CCDC25: variants seen among roughly 807,000 people sequenced by gnomAD.
The protein encoded by CCDC25 is coiled-coil domain-containing protein 25.
A neutral mutation model predicts 35.3 loss-of-function variants in CCDC25; 16 were observed. The observed-to-expected ratio is 0.45, with a 90% CI of 0.31 to 0.69. The LOEUF (loss-of-function observed/expected upper bound fraction) is 0.69, where lower values mean the gene tolerates loss of function less well. CCDC25 is among the 30% of genes least tolerant of loss of function. The pLI, the probability that CCDC25 is intolerant of heterozygous loss-of-function variation, is 0.06. For synonymous variants in CCDC25, 79 were observed against 80.3 expected, an observed-to-expected ratio of 0.98 and a Z score of 0.09; for missense variants, 179 against 250.7, an observed-to-expected ratio of 0.71 and a Z score of 1.93.
At chr8:27,738,621 T>A (rs1230265401) in intron 8 of CCDC25, among the ~76,000 whole-genome samples, 1 of 152,082 alleles carries the variant, frequency 6.6e-6, no homozygotes. Context: ...TGTGTGTGTG[T>A]GTGTATTTGT....
At chr8:27,749,611 A>C (rs1015069514) in intron 5 of CCDC25, among the ~76,000 whole-genome samples, 2 of 152,208 alleles carry the variant, frequency 1.3e-5, no homozygotes, top group African/African-American at 2.4e-5. Context: ...TCTGGATTAA[A>C]GGAGACTAAA....
chr8:27,746,029 T>C (rs1447832886), intron 7 of CCDC25, among the ~76,000 whole-genome samples: 1 of 152,242 alleles, frequency 6.6e-6, no homozygotes, highest in East Asian at 1.9e-4. Flanking sequence ...AACTGTGTTT[T>C]GGTGGACAAA....
Position 27,735,052 on chromosome 8 carries a change from T to C in CCDC25, c.*1164A>G, listed in dbSNP as rs1460931848. 6.6e-6 allele frequency: 1 copy of C among 152,432 alleles called. No individual in the cohort carries two copies. The highest frequency in any genetic ancestry group is 1.5e-5 in the Non-Finnish European group (1 of 68,034). The allele number at this position is 152,432 out of a possible 1,614,324, so 9.4% of individuals were successfully genotyped here. On this transcript the variant is annotated 3_prime_UTR_variant, in exon 9 of 9. Coordinates refer to ENST00000356537, the MANE Select transcript of CCDC25 (RefSeq NM_018246.3). ...TCTAAGAATTCATATATCAATGTCC[T>C]TCCAGATTAAAAAAATGGTATTTTA...
intron 4 of CCDC25, among the ~76,000 whole-genome samples, chr8:27,755,683 G>A (rs113421100): frequency 1.3e-5 from 2 of 152,160 alleles, no homozygotes; most frequent in East Asian, 1.9e-4. Context: ...GATAAGTCAC[G>A]GTAATACACG....
Position 27,734,320 on chromosome 8 carries a change from G to A in CCDC25, c.*1896C>T, listed in dbSNP as rs1263991630. The A allele has an allele frequency of 1.3e-5, 2 of 152,158 alleles. No individual in the cohort carries two copies. The highest frequency in any genetic ancestry group is 2.9e-5 in the Non-Finnish European group (2 of 68,046). 9.4% of individuals were successfully genotyped at this position (152,158 alleles called of 1,614,324 possible). On this transcript the variant is annotated 3_prime_UTR_variant, in exon 9 of 9. Coordinates refer to ENST00000356537, the MANE Select transcript of CCDC25 (RefSeq NM_018246.3). ...TGATCAGAGTGTTGAAACTGAAGAC[G>A]ACATTGGCAAAGTGACTCAGACCCA...
intron 7 of CCDC25, among the ~76,000 whole-genome samples, chr8:27,743,276 A>T (rs1289436479): frequency 1.3e-5 from 2 of 152,224 alleles, no homozygotes; most frequent in African/African-American, 4.8e-5. Context: ...TAACCTAGTC[A>T]CACCCACTCT....
intron 1 of CCDC25, 124 bp downstream of exon 1, chr8:27,772,389 C>CG: frequency 1.1e-6 from 1 of 915,346 alleles, no homozygotes; most frequent in Non-Finnish European, 1.7e-6. Flanking sequence ...CGAGAGGCCG[C>CG]GGGAAGAGGC....
In CCDC25 at chr8:27,736,047, T is replaced by G; in HGVS notation, c.*169A>C. On this transcript the variant is annotated 3_prime_UTR_variant, in exon 9 of 9. Coordinates refer to ENST00000356537, the MANE Select transcript of CCDC25 (RefSeq NM_018246.3). The stretch of plus-strand genomic sequence containing the variant: ...TTTATACATATCTGATCCTTTTCTG[T>G]CAGCAAAAAAGGTACAATTTTTTTA... 1.7e-6 allele frequency: 1 copy of G among 600,362 alleles called. No individual in the cohort carries two copies. Among genetic ancestry groups the G allele is most frequent in the Non-Finnish European group, 2.9e-6 (1 of 346,904 alleles). 37.2% of individuals were successfully genotyped at this position (600,362 alleles called of 1,614,324 possible). A position where few individuals can be genotyped will look rare whatever the true frequency, so the allele number is the denominator to read the frequency against.
At chr8:27,771,157 G>A (rs114118201) in intron 1 of CCDC25, among the ~76,000 whole-genome samples, 2,233 of 152,148 alleles carry the variant, frequency 0.015, 49 homozygotes, top group African/African-American at 0.046. Flanking sequence ...GTTGAGACCC[G>A]TTTAAATACA....
chr8:27,745,135 A>G (rs1803562527), intron 7 of CCDC25, among the ~76,000 whole-genome samples: 1 of 152,148 alleles, frequency 6.6e-6, no homozygotes, highest in African/African-American at 2.4e-5. Context: ...AGCTGCGACT[A>G]TAGGCTTGTA....
At position 27,762,415 on chromosome 8, in the gene CCDC25, T is replaced by A; in HGVS notation, c.116+4A>T. ...CAGAGGGCAGAACCAAAATTGTTAC[T>A]TACCAGATATCTTCAGGCCAGCCAT... is the stretch of plus-strand genomic sequence containing the variant. On this transcript the variant is annotated splice_donor_region_variant and intron_variant, in intron 3 of 8. Coordinates refer to ENST00000356537, the MANE Select transcript of CCDC25 (RefSeq NM_018246.3). The A allele has an allele frequency of 6.2e-7, 1 of 1,613,076 alleles. No homozygotes were observed. The highest frequency in any genetic ancestry group is 8.5e-7 in the Non-Finnish European group (1 of 1,179,508).
rs141212043 is a variant in CCDC25 at position 27,737,884 on chromosome 8, TCACACA to T, written c.598-1645_598-1640del. On this transcript the variant is annotated intron_variant, in intron 8 of 8. Transcript: ENST00000356537. This position sits in a 1 kb window ranked among gnomAD's most constrained non-coding sequence, Gnocchi z 4.6. ...AACTGTGGTGTGTGTATACACACAC[TCACACA>T]CACACACACACACACACACACACAA... Among the ~76,000 whole-genome samples the T allele has an allele frequency of 7.4e-5, 11 of 148,446 alleles. No individual in the cohort carries two copies. Among genetic ancestry groups the T allele is most frequent in the African/African-American group, 1.7e-4 (7 of 40,190 alleles).
chr8:27,767,434 A>G (rs1804437564), intron 1 of CCDC25, among the ~76,000 whole-genome samples: 1 of 152,230 alleles, frequency 6.6e-6, no homozygotes, highest in African/African-American at 2.4e-5. Context: ...TCTAAGCTAC[A>G]GCCAAAATAA....
chr8:27,750,311 C>A (rs1219457508), intron 5 of CCDC25, among the ~76,000 whole-genome samples: 1 of 152,224 alleles, frequency 6.6e-6, no homozygotes, highest in African/African-American at 2.4e-5. Context: ...GTCTCTACTG[C>A]ACTTTAGACC....
chr8:27,761,710 G>A (rs958520045), intron 3 of CCDC25, among the ~76,000 whole-genome samples: 2 of 152,288 alleles, frequency 1.3e-5, no homozygotes, highest in South Asian at 4.1e-4. Context: ...GTGTGACAGT[G>A]TTATAGGACA....
rs746186556 is a variant in CCDC25 at position 27,762,474 on chromosome 8, A to C, written c.77-16T>G. ...AGATCTTCATCTGCAATGAGATATG[A>C]GAAACGAAAGAAACAAAAACTGTCA... On this transcript the variant is annotated splice_polypyrimidine_tract_variant and intron_variant, in intron 2 of 8. Coordinates refer to ENST00000356537, the MANE Select transcript of CCDC25 (RefSeq NM_018246.3). The C allele has an allele frequency of 3.7e-6, 6 of 1,610,052 alleles. No individual in the cohort carries two copies. In the African/African-American group the frequency reaches 8.0e-5, roughly 22 times the overall value.
At chr8:27,750,751 T>A (rs910634786) in intron 5 of CCDC25, among the ~76,000 whole-genome samples, 2 of 152,200 alleles carry the variant, frequency 1.3e-5, no homozygotes, top group Admixed American at 1.3e-4. Flanking sequence ...AAAAGTTTAA[T>A]CTGGAAAGAT....
chr8:27,743,776 C>A (rs985315005), intron 7 of CCDC25, among the ~76,000 whole-genome samples: 2 of 152,142 alleles, frequency 1.3e-5, no homozygotes, highest in African/African-American at 2.4e-5. Flanking sequence ...AGTCTGTAGT[C>A]CCAGCTACTA....
chr8:27,761,311 GA>G (rs1487483954), intron 3 of CCDC25, among the ~76,000 whole-genome samples: 1 of 152,190 alleles, frequency 6.6e-6, no homozygotes, highest in Non-Finnish European at 1.5e-5. Flanking sequence ...GGAGAAGACA[GA>G]AGCAGTGACT....
Sources: gnomAD v4.1 joint callset for allele counts (sites outside exome capture counted in the v4.1 genomes callset) on GRCh38, gnomAD v4.1.1 for gene constraint, Gnocchi (gnomAD v3.1) non-coding constraint, MANE v1.5 for transcripts, NCBI Gene and HGNC (gene_info 2026-07-23, HGNC 2026-07-21) for gene names.